Variants in DCUN1D2 observed in about 807,000 individuals in gnomAD.
The protein encoded by DCUN1D2 is DCN1-like protein 2.
Under a neutral mutation model 30.9 loss-of-function variants are expected in DCUN1D2, and 29 were observed. That is an observed-to-expected ratio of 0.94 (90% CI 0.70 to 1.28). The LOEUF is 1.28. DCUN1D2 is among the 50% of genes most tolerant of loss of function. The pLI, the probability that DCUN1D2 is intolerant of heterozygous loss-of-function variation, is 0.00. For synonymous variants in DCUN1D2, 121 were observed against 115.3 expected (o/e 1.05, Z -0.32); for missense variants, 325 against 316.9 (o/e 1.03, Z -0.19).
intron 1 of DCUN1D2, among the ~76,000 whole-genome samples, chr13:113,485,409 A>AT (rs2044784617): frequency 6.6e-6 from 1 of 152,236 alleles, no homozygotes; most frequent in Non-Finnish European, 1.5e-5. Flanking sequence ...GTCACATGTA[A>AT]GAGCTGGAAA....
At chr13:113,469,483 C>T (rs1179680900) in intron 4 of DCUN1D2, among the ~76,000 whole-genome samples, 1 of 151,672 alleles carries the variant, frequency 6.6e-6, no homozygotes, top group Non-Finnish European at 1.5e-5. Flanking sequence ...AGTTTGAGAC[C>T]AGCCCGGGCA....
chr13:113,459,576 C>CA (rs2139672443), intron 5 of DCUN1D2, 168 bp from the exon 6 acceptor site: 1 of 467,558 alleles, frequency 2.1e-6, no homozygotes, highest in East Asian at 3.2e-5. Context: ...TTAAGTGCTA[C>CA]AACAACGCTA....
intron 3 of DCUN1D2, among the ~76,000 whole-genome samples, chr13:113,476,317 C>A (rs774058723): frequency 6.6e-6 from 1 of 152,162 alleles, no homozygotes; most frequent in Non-Finnish European, 1.5e-5. Flanking sequence ...TCCCCCTCCA[C>A]GCATTTGCAC....
At chr13:113,482,720 G>A (rs778817622) in intron 2 of DCUN1D2, among the ~76,000 whole-genome samples, 143 of 152,202 alleles carry the variant, frequency 9.4e-4, no homozygotes, top group Non-Finnish European at 1.9e-3. Context: ...CGAGGCGGGT[G>A]GATCATGAGG....
At position 113,458,125 on chromosome 13, in the gene DCUN1D2, A is replaced by G. The variant is rs750732790; in HGVS notation, c.701-17T>C. 6.2e-7 allele frequency: 1 copy of G among 1,611,110 alleles called. No homozygotes were observed. Among genetic ancestry groups the G allele is most frequent in the Non-Finnish European group, 8.5e-7 (1 of 1,177,284 alleles). ...GCCAAGCTCCTAAAGGAAAGCAAGC[A>G]AACAGAAAACCCGTTAGAGCACCGT... On this transcript the variant is annotated splice_polypyrimidine_tract_variant and intron_variant, in intron 6 of 6. Coordinates refer to ENST00000478244, the MANE Select transcript of DCUN1D2 (RefSeq NM_001014283.2).
intron 3 of DCUN1D2, among the ~76,000 whole-genome samples, chr13:113,476,828 T>C (rs1308179929): frequency 6.6e-6 from 1 of 152,240 alleles, no homozygotes; most frequent in African/African-American, 2.4e-5. Context: ...TTTTTACATA[T>C]GGTATGCGGT....
chr13:113,466,125 G>A (rs2044399240), intron 4 of DCUN1D2, among the ~76,000 whole-genome samples: 1 of 152,120 alleles, frequency 6.6e-6, no homozygotes, highest in African/African-American at 2.4e-5. Context: ...GACCTCAAGT[G>A]ATCCACCCAG....
intron 5 of DCUN1D2, among the ~76,000 whole-genome samples, 176 bp downstream of exon 5, chr13:113,460,878 C>T (rs2044307630): frequency 1.3e-5 from 2 of 152,194 alleles, no homozygotes; most frequent in African/African-American, 4.8e-5. Context: ...CCTGCAGTCT[C>T]CGGCAAGGTG....
chr13:113,457,283 T>C lies in DCUN1D2; in HGVS notation c.*746A>G, dbSNP rs1226042735. 1.3e-5 allele frequency: 2 copies of C among 152,242 alleles called. No individual in the cohort carries two copies. Among genetic ancestry groups the C allele is most frequent in the African/African-American group, 4.8e-5 (2 of 41,458 alleles). 9.4% of individuals were successfully genotyped at this position (152,242 alleles called of 1,614,324 possible). On this transcript the variant is annotated 3_prime_UTR_variant, in exon 7 of 7. Coordinates refer to ENST00000478244, the MANE Select transcript of DCUN1D2 (RefSeq NM_001014283.2). The stretch of plus-strand genomic sequence containing the variant: ...ATATATTTTAAAAAAACATACTTTA[T>C]GAAGCTTCTCAGGCAGGTCAAATAA...
intron 1 of DCUN1D2, among the ~76,000 whole-genome samples, chr13:113,485,393 G>A (rs2044784067): frequency 2.0e-5 from 3 of 152,176 alleles, no homozygotes; most frequent in South Asian, 2.1e-4. Flanking sequence ...GTACAAGGAC[G>A]TGCCTGTCAC....
chr13:113,461,970 C>T (rs892100950), intron 4 of DCUN1D2, among the ~76,000 whole-genome samples: 2 of 151,960 alleles, frequency 1.3e-5, no homozygotes, highest in African/African-American at 4.8e-5. Context: ...TTAAAGTGAC[C>T]GGCCGGGCGT....
Position 113,480,568 on chromosome 13 carries a change from G to A in DCUN1D2, c.389+7C>T, listed in dbSNP as rs1475667715. On this transcript the variant is annotated splice_region_variant and intron_variant, in intron 3 of 6. Transcript: ENST00000478244. ...GAAAACATTTAAGCTAAGAATAGTT[G>A]ACTTACCCAAGTTCTGTCATGCCAT... 3 of 1,613,692 alleles carry A rather than the reference G, an allele frequency of 1.9e-6. No homozygotes were observed. The highest frequency in any genetic ancestry group is 2.5e-6 in the Non-Finnish European group (3 of 1,179,912).
At position 113,457,237 on chromosome 13, in the gene DCUN1D2, G is replaced by A. The variant is rs1045039504; in HGVS notation, c.*792C>T. The A allele has an allele frequency of 2.0e-5, 3 of 152,086 alleles. No individual in the cohort carries two copies. The highest frequency in any genetic ancestry group is 2.9e-5 in the Non-Finnish European group (2 of 68,018). The allele number at this position is 152,086 out of a possible 1,614,324, so 9.4% of individuals were successfully genotyped here. A position where few individuals can be genotyped will look rare whatever the true frequency, so the allele number is the denominator to read the frequency against. On this transcript the variant is annotated 3_prime_UTR_variant, in exon 7 of 7. Coordinates refer to ENST00000478244, the MANE Select transcript of DCUN1D2 (RefSeq NM_001014283.2). The stretch of plus-strand genomic sequence containing the variant: ...AAATAAATGTTTTTCATGGAAAAAT[G>A]TCTTTTTAAATGTAATTAAAATATA...
At chr13:113,482,571 C>T (rs567372004) in intron 2 of DCUN1D2, among the ~76,000 whole-genome samples, 2 of 152,110 alleles carry the variant, frequency 1.3e-5, no homozygotes, top group African/African-American at 4.8e-5. Flanking sequence ...AAGCAATTTT[C>T]AACTCACTTT....
At chr13:113,475,673 G>A (rs1189828499) in intron 3 of DCUN1D2, among the ~76,000 whole-genome samples, 1 of 152,146 alleles carries the variant, frequency 6.6e-6, no homozygotes, top group East Asian at 1.9e-4. Context: ...GATCGCTTGA[G>A]GCCAGGAGTT....
At chr13:113,484,624 A>G (rs766101889) in intron 1 of DCUN1D2, among the ~76,000 whole-genome samples, 1 of 152,252 alleles carries the variant, frequency 6.6e-6, no homozygotes, top group African/African-American at 2.4e-5. Context: ...AATGGAAACA[A>G]TAATACTAAT....
chr13:113,461,504 T>A (rs1018599279), intron 4 of DCUN1D2, among the ~76,000 whole-genome samples: 1 of 152,192 alleles, frequency 6.6e-6, no homozygotes, highest in South Asian at 2.1e-4. Context: ...CTGGCCTGAG[T>A]GTCGAACTGC....
intron 4 of DCUN1D2, among the ~76,000 whole-genome samples, chr13:113,463,611 G>C (rs1446347197): frequency 6.6e-6 from 1 of 151,956 alleles, no homozygotes; most frequent in Non-Finnish European, 1.5e-5. Context: ...AAACTATGTT[G>C]TTTCTTACAT....
chr13:113,480,521 T>G (rs561977911), intron 3 of DCUN1D2, 54 bp downstream of exon 3: 1 of 1,593,872 alleles, frequency 6.3e-7, no homozygotes, highest in African/African-American at 1.3e-5. Flanking sequence ...TGAAAAATAA[T>G]GTTAGAAGTA....
Sources: allele counts gnomAD v4.1 joint callset (sites outside exome capture counted in the v4.1 genomes callset), GRCh38; gene constraint gnomAD v4.1.1; transcripts MANE v1.5; gene names NCBI Gene and HGNC (gene_info 2026-07-23, HGNC 2026-07-21).